The following AASS variants were observed in gnomAD, a reference collection of about 807,000 sequenced individuals.
AASS encodes the protein aminoadipate-semialdehyde synthase.
AASS carries 86 observed loss-of-function variants against 105.4 expected under a neutral mutation model. That is an observed-to-expected ratio of 0.82 (90% CI 0.69 to 0.98). The LOEUF is 0.98. Ranked by LOEUF, AASS falls within the 50% of genes least tolerant of loss-of-function variation. AASS has a pLI of 0.00. For synonymous variants in AASS, 381 were observed against 394.8 expected, an observed-to-expected ratio of 0.96 and a Z score of 0.41; for missense variants, 1,048 against 1,143.2, an observed-to-expected ratio of 0.92 and a Z score of 1.20.
intron 15 of AASS, 139 bp from the exon 16 acceptor site, chr7:122,093,297 G>A: frequency 1.4e-6 from 1 of 726,658 alleles, no homozygotes; most frequent in Non-Finnish European, 2.5e-6. Flanking sequence ...CTTATACACT[G>A]TTGGTGGGAA....
In AASS at chr7:122,116,924, CA is replaced by C. The variant is rs1208444891; in HGVS notation, c.720del (p.Cys240TrpfsTer9). The C allele has an allele frequency of 6.2e-7, 1 of 1,613,868 alleles. No homozygotes were observed. Among genetic ancestry groups the C allele is most frequent in the Non-Finnish European group, 8.5e-7 (1 of 1,179,982 alleles). On this transcript the variant is annotated frameshift_variant, in exon 7 of 24. Transcript: ENST00000417368. LOFTEE classifies it high-confidence loss of function. Reference sequence around the variant, plus strand: ...TTTAATTCATGGGGCTCCACATATTCACAAGGTAGCTCATTAAAGATTGCTT... The same window carrying C: ...TTTAATTCATGGGGCTCCACATATTCCAAGGTAGCTCATTAAAGATTGCTT... Reference protein sequence around the residue: ...GAQAIFNELPCEYVEPHELKE... With the variant: ...GAQAIFNELPXEYVEPHELKE...
chr7:122,098,814 C>G lies in AASS; in HGVS notation c.1459G>C (p.Gly487Arg), dbSNP rs892562163. ...MGTRRKVLVL[G>R]SGYISEPVLE... ...ACAGGCTCAGATATGTAGCCAGATC[C>G]AAGAACCAAAACCTTTCTCCTGGTG... is the stretch of plus-strand genomic sequence containing the variant. The change falls in exon 14 of 24, where the codon GGA becomes CGA. Residue 487 changes from glycine (G) to arginine (R), a missense_variant. Gly to Arg is a moderately radical substitution (Grantham distance 125). Coordinates refer to ENST00000417368, the MANE Select transcript of AASS (RefSeq NM_005763.4). The G allele has an allele frequency of 6.3e-7, 1 of 1,593,128 alleles. No individual in the cohort carries two copies. Among genetic ancestry groups the G allele is most frequent in the Middle Eastern group, 1.7e-4 (1 of 5,972 alleles).
rs569084648 is a variant in AASS, at chr7:122,101,660, C to T, written c.1299G>A (p.Gln433=). 7 of 1,611,530 alleles carry T rather than the reference C, an allele frequency of 4.3e-6. No homozygotes were observed. In the African/African-American group the frequency reaches 8.0e-5, roughly 18 times the overall value. ...VEEMILSDAT[Q]PLESQNFSPV... ...GAGAAAAATTCTGACTTTCAAGAGG[C>T]TGTGTCGCGTCTGATAATATCTGAA... The change falls in exon 12 of 24, where the codon CAG becomes CAA. Residue 433 remains glutamine (Q), a synonymous_variant. Transcript: ENST00000417368.
intron 18 of AASS, among the ~76,000 whole-genome samples, chr7:122,086,723 C>G (rs933727667): frequency 1.3e-5 from 2 of 152,030 alleles, no homozygotes; most frequent in Non-Finnish European, 2.9e-5. Flanking sequence ...CTTTCATGAG[C>G]CTTCTAAATG....
At chr7:122,078,147 C>A (rs1793116302) in intron 22 of AASS, 133 bp from the exon 23 acceptor site, 2 of 866,812 alleles carry the variant, frequency 2.3e-6, no homozygotes, top group South Asian at 1.4e-5. Context: ...ATTATTTACA[C>A]AGCTTTTTAG....
chr7:122,103,040 A>T (rs1009488858), intron 11 of AASS, among the ~76,000 whole-genome samples: 1 of 152,078 alleles, frequency 6.6e-6, no homozygotes, highest in Non-Finnish European at 1.5e-5. Context: ...AAAACTTTAA[A>T]ATTAGTGAAT....
At position 122,076,141 on chromosome 7, in the gene AASS, T is replaced by C. The variant is rs1242671897; in HGVS notation, c.*348A>G. 1 of 264,604 alleles carries C rather than the reference T, an allele frequency of 3.8e-6. No individual in the cohort carries two copies. The highest frequency in any genetic ancestry group is 7.3e-6 in the Non-Finnish European group (1 of 136,958). The allele number at this position is 264,604 out of a possible 1,614,324, so 16.4% of individuals were successfully genotyped here. The stretch of plus-strand genomic sequence containing the variant: ...GTGAGCCGAGATCGCGCCACTGCAC[T>C]CCAGCCTGGGTGACAGAGCGAGACT... On this transcript the variant is annotated 3_prime_UTR_variant, in exon 24 of 24. Transcript: ENST00000417368.
chr7:122,080,534 T>C (rs1159723824), intron 20 of AASS, among the ~76,000 whole-genome samples: 1 of 152,098 alleles, frequency 6.6e-6, no homozygotes, highest in Non-Finnish European at 1.5e-5. Context: ...TGTTCACTCC[T>C]ACCCAACAAG....
At chr7:122,100,893 C>A (rs148321035) in intron 13 of AASS, among the ~76,000 whole-genome samples, 3 of 151,812 alleles carry the variant, frequency 2.0e-5, no homozygotes, top group African/African-American at 7.2e-5. Flanking sequence ...CTCTTACTTT[C>A]ATCAATTGTT....
At chr7:122,136,247 T>G (rs1388643804) in intron 1 of AASS, among the ~76,000 whole-genome samples, 1 of 152,154 alleles carries the variant, frequency 6.6e-6, no homozygotes, top group East Asian at 1.9e-4. Context: ...GTACATTTCC[T>G]GGGGGCAAAC....
chr7:122,123,733 C>A (rs537269770), intron 4 of AASS, among the ~76,000 whole-genome samples: 7 of 152,310 alleles, frequency 4.6e-5, no homozygotes, highest in Non-Finnish European at 8.8e-5. Context: ...CAAGTGTTGA[C>A]AATAGCAAAG....
At chr7:122,130,292 T>C (rs1375339240) in intron 2 of AASS, among the ~76,000 whole-genome samples, 2 of 151,900 alleles carry the variant, frequency 1.3e-5, no homozygotes, top group Non-Finnish European at 2.9e-5. Context: ...AAACACAAGA[T>C]GGTAATATCA....
At chr7:122,134,314 G>T (rs746336009) in intron 1 of AASS, among the ~76,000 whole-genome samples, 6 of 152,120 alleles carry the variant, frequency 3.9e-5, no homozygotes, top group Admixed American at 3.9e-4. Flanking sequence ...TTCACAATTA[G>T]ATGTGTACAT....
chr7:122,115,520 A>C, intron 8 of AASS, among the ~76,000 whole-genome samples: 1 of 152,150 alleles, frequency 6.6e-6, no homozygotes, highest in Non-Finnish European at 1.5e-5. Context: ...AACAAACAAA[A>C]AACGGTGGAC....
chr7:122,090,027 T>C (rs1456569355), intron 18 of AASS, among the ~76,000 whole-genome samples: 2 of 152,172 alleles, frequency 1.3e-5, no homozygotes, highest in African/African-American at 2.4e-5. Flanking sequence ...AACATCAGAC[T>C]AAGATTCTGG....
chr7:122,115,253 A>G, intron 8 of AASS, 31 bp from the exon 9 acceptor site: 1 of 1,613,232 alleles, frequency 6.2e-7, no homozygotes, highest in South Asian at 1.1e-5. Flanking sequence ...TCAAGAAAAT[A>G]GAAAATAGCC....
At chr7:122,100,060 C>T (rs894675101) in intron 13 of AASS, among the ~76,000 whole-genome samples, 1 of 151,844 alleles carries the variant, frequency 6.6e-6, no homozygotes, top group Non-Finnish European at 1.5e-5. Flanking sequence ...TTAATAATCA[C>T]GTGCTAAGTG....
chr7:122,131,985 G>A (rs1408690485), intron 2 of AASS, among the ~76,000 whole-genome samples: 1 of 152,114 alleles, frequency 6.6e-6, no homozygotes, highest in Non-Finnish European at 1.5e-5. Context: ...AAAGGTCCAT[G>A]CTTCCAAAAT....
At chr7:122,086,344 A>T (rs574684736) in intron 18 of AASS, among the ~76,000 whole-genome samples, 165 bp from the exon 19 acceptor site, 160 of 152,256 alleles carry the variant, frequency 1.1e-3, no homozygotes, top group Non-Finnish European at 1.1e-3. Flanking sequence ...TACTAATATC[A>T]TAATTCACAA....
Sources: allele counts gnomAD v4.1 joint callset (sites outside exome capture counted in the v4.1 genomes callset), GRCh38; gene constraint gnomAD v4.1.1; transcripts MANE v1.5; gene names NCBI Gene and HGNC (gene_info 2026-07-23, HGNC 2026-07-21).